The following IL18 variants were observed in gnomAD, a reference collection of about 807,000 sequenced individuals.
IL18 encodes the protein interleukin 18, also known as interleukin-18.
A neutral mutation model predicts 14.2 loss-of-function variants in IL18; 8 were observed. The observed-to-expected ratio is 0.56, with a 90% CI of 0.33 to 1.01. The LOEUF is 1.01. Among genes scored for constraint, IL18 ranks in the 50% least tolerant of loss-of-function variants. The probability of loss-of-function intolerance (pLI) is 0.03; values close to 1 mark genes in which losing one functional copy is unlikely to be tolerated. For missense variants in IL18, 166 were observed against 231.1 expected, an observed-to-expected ratio of 0.72 and a Z score of 1.83; for synonymous variants, 67 against 71.0, an observed-to-expected ratio of 0.94 and a Z score of 0.28.
At position 112,143,652 on chromosome 11, in the gene IL18, T is replaced by C; in HGVS notation, c.526A>G (p.Lys176Glu). 1 of 1,613,096 alleles carries C rather than the reference T, an allele frequency of 6.2e-7. No homozygotes were observed. The highest frequency in any genetic ancestry group is 8.5e-7 in the Non-Finnish European group (1 of 1,179,320). The change falls in exon 6 of 6, where the codon AAA becomes GAA. Residue 176 changes from lysine to glutamate, a missense_variant. Lys to Glu is a moderately conservative substitution (Grantham distance 56). Transcript: ENST00000280357. ...ERDLFKLILK[K>E]EDELGDRSIM... ...GATCTATCCCCCAATTCATCCTCTT[T>C]TTTCAAAATGAGTTTAAAAAGGTCT...
At chr11:112,160,692 A>G (rs576884776) in intron 1 of IL18, among the ~76,000 whole-genome samples, 1 of 152,276 alleles carries the variant, frequency 6.6e-6, no homozygotes, top group African/African-American at 2.4e-5. Context: ...TGTAGAATAT[A>G]TATATTTTTT....
At chr11:112,151,997 AT>A (rs1201594363) in intron 3 of IL18, among the ~76,000 whole-genome samples, 2 of 152,184 alleles carry the variant, frequency 1.3e-5, no homozygotes, top group African/African-American at 4.8e-5. Flanking sequence ...ATAGATTCAA[AT>A]GCCATTTCTA....
chr11:112,156,168 T>A (rs1866527100), intron 1 of IL18, among the ~76,000 whole-genome samples: 1 of 152,164 alleles, frequency 6.6e-6, no homozygotes, highest in Non-Finnish European at 1.5e-5. Context: ...AAAATTTTTC[T>A]AGCATAATAT....
chr11:112,153,354 A>G (rs1866480117), intron 3 of IL18: 1 of 385,708 alleles, frequency 2.6e-6, no homozygotes, highest in African/African-American at 2.1e-5. Context: ...TATTTTGTAG[A>G]TTCTAAGAGC....
intron 1 of IL18, among the ~76,000 whole-genome samples, chr11:112,158,997 T>TTAA (rs921914445): frequency 1.7e-4 from 25 of 149,054 alleles, no homozygotes; most frequent in African/African-American, 6.2e-4. Context: ...CTGACTTAAA[T>TTAA]AGGAGAAAGA....
At chr11:112,163,185 G>T (rs1046967438) in intron 1 of IL18, among the ~76,000 whole-genome samples, 1 of 152,090 alleles carries the variant, frequency 6.6e-6, no homozygotes, top group Admixed American at 6.5e-5. Flanking sequence ...TTCCTTAATT[G>T]TGAAAGAAAA....
chr11:112,149,255 G>A (rs974489478), intron 4 of IL18, among the ~76,000 whole-genome samples: 1 of 151,980 alleles, frequency 6.6e-6, no homozygotes, highest in African/African-American at 2.4e-5. Flanking sequence ...TCACACCACT[G>A]CACTGCACTG....
At chr11:112,148,499 G>A in intron 5 of IL18, 104 bp downstream of exon 5, 1 of 573,216 alleles carries the variant, frequency 1.7e-6, no homozygotes, top group Non-Finnish European at 2.7e-6. Flanking sequence ...GGATATTTGA[G>A]TTTTCTAATT....
intron 5 of IL18, among the ~76,000 whole-genome samples, chr11:112,144,051 C>T (rs545913818): frequency 7.2e-5 from 11 of 152,278 alleles, no homozygotes; most frequent in African/African-American, 1.9e-4. Flanking sequence ...TTCCCCTATA[C>T]ATCAAACAGC....
chr11:112,155,720 T>A (rs1833373094), intron 1 of IL18, among the ~76,000 whole-genome samples: 1 of 152,154 alleles, frequency 6.6e-6, no homozygotes, highest in African/African-American at 2.4e-5. Context: ...TTGAAAAAAA[T>A]TTAAATCCTT....
intron 3 of IL18, among the ~76,000 whole-genome samples, chr11:112,151,930 T>C (rs539573005): frequency 1.3e-5 from 2 of 152,340 alleles, no homozygotes; most frequent in African/African-American, 4.8e-5. Context: ...CCCAGTTCAG[T>C]ACTTGGCTTT....
At position 112,146,927 on chromosome 11, in the gene IL18, C is replaced by CTTTTTTTTTTTTTTTTTTTTTT. The variant is rs36051933; in HGVS notation, c.360+1675_360+1676insAAAAAAAAAAAAAAAAAAAAAA. Among the ~76,000 whole-genome samples, 3 of 125,362 alleles carry CTTTTTTTTTTTTTTTTTTTTTT rather than the reference C, an allele frequency of 2.4e-5. 1 individual carries two copies. The highest frequency in any genetic ancestry group is 3.3e-5 in the Non-Finnish European group (2 of 60,292). The allele number at this position is 125,362 out of a possible 152,430, so 82.2% of individuals were successfully genotyped here. On this transcript the variant is annotated intron_variant, in intron 5 of 5. Coordinates refer to ENST00000280357, the MANE Select transcript of IL18 (RefSeq NM_001562.4). ...TAAGCTTATGCCTTTGGTAATTTTA[C>CTTTTTTTTTTTTTTTTTTTTTT]TTTTTTTTTTTTTTTTTTTTGAGAC...
chr11:112,157,707 C>T (rs746082771), intron 1 of IL18, among the ~76,000 whole-genome samples: 2 of 152,026 alleles, frequency 1.3e-5, no homozygotes, highest in Non-Finnish European at 2.9e-5. Context: ...CAAGAAGAAG[C>T]AATGTGAACA....
chr11:112,146,928 T>C (rs1866353568), intron 5 of IL18, among the ~76,000 whole-genome samples: 5 of 61,164 alleles, frequency 8.2e-5, no homozygotes, highest in Admixed American at 1.8e-4. Flanking sequence ...GTAATTTTAC[T>C]TTTTTTTTTT....
At chr11:112,150,784 T>G (rs899337855) in intron 3 of IL18, 4 of 152,462 alleles carry the variant, frequency 2.6e-5, no homozygotes, top group African/African-American at 9.6e-5. Context: ...CTTCCATAGC[T>G]GATAGCCGCA....
At chr11:112,158,503 T>G (rs1427114211) in intron 1 of IL18, among the ~76,000 whole-genome samples, 1 of 149,516 alleles carries the variant, frequency 6.7e-6, no homozygotes, top group Non-Finnish European at 1.5e-5. Flanking sequence ...AAACTTGGTT[T>G]CAACATATTT....
Position 112,143,573 on chromosome 11 carries a change from C to A in IL18, c.*23G>T, listed in dbSNP as rs201110375. The A allele has an allele frequency of 6.5e-7, 1 of 1,527,820 alleles. No individual in the cohort carries two copies. The highest frequency in any genetic ancestry group is 9.0e-7 in the Non-Finnish European group (1 of 1,111,822). The allele number at this position is 1,527,820 out of a possible 1,614,324, so 94.6% of individuals were successfully genotyped here. A position where few individuals can be genotyped will look rare whatever the true frequency, so the allele number is the denominator to read the frequency against. On this transcript the variant is annotated 3_prime_UTR_variant, in exon 6 of 6. Transcript: ENST00000280357. Reference sequence around the variant, plus strand: ...CTGGGATTACAGGCGTGAGCCACTGCGCCCGGCATGAAATTTTAATAGCTA... The same window carrying A: ...CTGGGATTACAGGCGTGAGCCACTGAGCCCGGCATGAAATTTTAATAGCTA...
At chr11:112,143,857 G>T in intron 5 of IL18, 40 bp from the exon 6 acceptor site, 2 of 1,248,384 alleles carry the variant, frequency 1.6e-6, no homozygotes, top group South Asian at 1.3e-5. Flanking sequence ...TTCAGGACAT[G>T]AACAATTTGA....
chr11:112,152,124 C>T (rs991991794), intron 3 of IL18, among the ~76,000 whole-genome samples: 3 of 152,168 alleles, frequency 2.0e-5, no homozygotes, highest in Non-Finnish European at 4.4e-5. Flanking sequence ...ATCTCAGATC[C>T]AAAACGAAAT....
Sources: allele counts gnomAD v4.1 joint callset (sites outside exome capture counted in the v4.1 genomes callset), GRCh38; gene constraint gnomAD v4.1.1; transcripts MANE v1.5; gene names NCBI Gene and HGNC (gene_info 2026-07-23, HGNC 2026-07-21).